CAMK2G: variants seen among roughly 807,000 people sequenced by gnomAD.
CAMK2G encodes calcium/calmodulin-dependent protein kinase type II subunit gamma.
In CAMK2G, 23 loss-of-function variants were observed where a neutral mutation model predicts 88.7. The observed-to-expected ratio is 0.26, with a 90% CI of 0.19 to 0.37. The LOEUF (loss-of-function observed/expected upper bound fraction) is 0.37. Ranked by LOEUF, CAMK2G falls within the 10% of genes least tolerant of loss-of-function variation. The probability of loss-of-function intolerance (pLI) is 1.00; values close to 1 mark genes in which losing one functional copy is unlikely to be tolerated. For missense variants in CAMK2G, 476 were observed against 780.8 expected, an observed-to-expected ratio of 0.61 and a Z score of 4.65; for synonymous variants, 263 against 294.8, an observed-to-expected ratio of 0.89 and a Z score of 1.11.
intron 14 of CAMK2G, chr10:73,836,950 G>A (rs1344177836): frequency 6.3e-6 from 1 of 159,822 alleles, no homozygotes; most frequent in Non-Finnish European, 1.4e-5. Flanking sequence ...TTTTTCTGAG[G>A]AGCCTATGCG....
chr10:73,851,754 G>GC (rs1476207276), intron 5 of CAMK2G, among the ~76,000 whole-genome samples: 9 of 148,470 alleles, frequency 6.1e-5, no homozygotes, highest in South Asian at 2.2e-4. Context: ...TTTTTGTGGG[G>GC]GGGGGGAGGG....
At chr10:73,825,061 C>G (rs1166841940) in intron 16 of CAMK2G, among the ~76,000 whole-genome samples, 1 of 152,178 alleles carries the variant, frequency 6.6e-6, no homozygotes, top group Non-Finnish European at 1.5e-5. Context: ...GCGAAAGGAG[C>G]AGGAGCAGGA....
Position 73,839,144 on chromosome 10 carries a change from C to T in CAMK2G, c.1009+395G>A, listed in dbSNP as rs773532217. ...CGCCAGACTTCACAATTTTGAGGAG[C>T]GCGGCTCCTCTGTGGGGTCTTAAAC... On this transcript the variant is annotated intron_variant, in intron 13 of 22. Transcript: ENST00000423381. The surrounding 1 kb of genome is among the most constrained non-coding windows in gnomAD (Gnocchi z 4.2). Among the ~76,000 whole-genome samples, 3 of 152,162 alleles carry T rather than the reference C, an allele frequency of 2.0e-5. No individual in the cohort carries two copies. The highest frequency in any genetic ancestry group is 2.9e-5 in the Non-Finnish European group (2 of 68,024).
In CAMK2G at chr10:73,874,387, C is replaced by A; in HGVS notation, c.65+10G>T. On this transcript the variant is annotated intron_variant, in intron 1 of 22. Transcript: ENST00000423381. ...AGGGCAGGCAGGGGACCGCGGCGGG[C>A]GGGCCGTACTTGCCAAGCTCCTCGA... The A allele has an allele frequency of 1.4e-6, 2 of 1,478,274 alleles. No homozygotes were observed. Among genetic ancestry groups the A allele is most frequent in the East Asian group, 2.8e-5 (1 of 36,244 alleles). The allele number at this position is 1,478,274 out of a possible 1,614,324, so 91.6% of individuals were successfully genotyped here. A position where few individuals can be genotyped will look rare whatever the true frequency, so the allele number is the denominator to read the frequency against.
intron 21 of CAMK2G, chr10:73,816,139 G>A (rs2085392866): frequency 3.0e-5 from 29 of 982,712 alleles, no homozygotes; most frequent in Non-Finnish European, 3.4e-5. Context: ...GAAGGGGAGG[G>A]TCTCATAGAG....
chr10:73,823,953 C>G, intron 17 of CAMK2G, 87 bp downstream of exon 17: 1 of 1,021,730 alleles, frequency 9.8e-7, no homozygotes. Flanking sequence ...ACCTTGGCCT[C>G]AGGGTGCAGC....
rs1486753281 is a variant in CAMK2G, at chr10:73,874,476, G to A, written c.-15C>T. On this transcript the variant is annotated 5_prime_UTR_variant, in exon 1 of 23. Transcript: ENST00000423381. ...GTGGTGGCCATGCTGGCGGGCGGGCGGACGCGGCGGTGCAGCCCGCGCCGA... is the reference window on the plus strand; with the variant it reads ...GTGGTGGCCATGCTGGCGGGCGGGCAGACGCGGCGGTGCAGCCCGCGCCGA... 1 of 1,485,680 alleles carries A rather than the reference G, an allele frequency of 6.7e-7. No homozygotes were observed. Among genetic ancestry groups the A allele is most frequent in the Non-Finnish European group, 9.0e-7 (1 of 1,107,026 alleles). 92.0% of individuals were successfully genotyped at this position (1,485,680 alleles called of 1,614,324 possible).
rs746340548 is a variant in CAMK2G, at chr10:73,813,215, G to GTT, written c.*1302_*1303insAA. On this transcript the variant is annotated 3_prime_UTR_variant, in exon 23 of 23. Coordinates refer to ENST00000423381, the MANE Select transcript of CAMK2G (RefSeq NM_001367534.1). Reference sequence around the variant, plus strand: ...CTTGAGCACAGAGAGGGACAATGAAGGTAGAAGCCTTGGCTCTGGACACCT... The same window carrying GTT: ...CTTGAGCACAGAGAGGGACAATGAAGTTGTAGAAGCCTTGGCTCTGGACACCT... 1.3e-5 allele frequency: 2 copies of GTT among 152,732 alleles called. No homozygotes were observed. The highest frequency in any genetic ancestry group is 2.9e-5 in the Non-Finnish European group (2 of 68,076). 9.5% of individuals were successfully genotyped at this position (152,732 alleles called of 1,614,324 possible).
In CAMK2G at chr10:73,844,095, A is replaced by T. The variant is rs7094563; in HGVS notation, c.820-1554T>A. Among the ~76,000 whole-genome samples the T allele has an allele frequency of 3.9e-3, 573 of 145,718 alleles. 6 individuals are homozygous for T. Among genetic ancestry groups the T allele is most frequent in the African/African-American group, 0.013 (511 of 39,744 alleles). On this transcript the variant is annotated intron_variant, in intron 10 of 22. Coordinates refer to ENST00000423381, the MANE Select transcript of CAMK2G (RefSeq NM_001367534.1). ...GTTAAGCCTCTCCTTAAACAAAAAAATTTTTTTTTTTTTTTGAAACAGCAT... is the reference window on the plus strand; with the variant it reads ...GTTAAGCCTCTCCTTAAACAAAAAATTTTTTTTTTTTTTTTGAAACAGCAT...
At chr10:73,829,131 T>C (rs2091860534) in intron 14 of CAMK2G, among the ~76,000 whole-genome samples, 1 of 152,196 alleles carries the variant, frequency 6.6e-6, no homozygotes, top group Admixed American at 6.5e-5. Flanking sequence ...GCCAGCATTC[T>C]TTAGAAGGCA....
chr10:73,826,143 A>G (rs910357277), intron 15 of CAMK2G, among the ~76,000 whole-genome samples: 5 of 152,070 alleles, frequency 3.3e-5, no homozygotes, highest in Non-Finnish European at 5.9e-5. Context: ...TCAAAACTAC[A>G]TGGTGGTGGG....
chr10:73,874,048 G>C (rs1453445652), intron 1 of CAMK2G, among the ~76,000 whole-genome samples: 3 of 146,432 alleles, frequency 2.0e-5, no homozygotes, highest in Non-Finnish European at 4.5e-5. Context: ...TGGGACCTGG[G>C]TTCAGGGTGC....
In CAMK2G at chr10:73,839,203, G is replaced by A. The variant is rs933270106; in HGVS notation, c.1009+336C>T. 6.6e-6 allele frequency among the ~76,000 whole-genome samples: 1 copy of A among 152,220 alleles called. No individual in the cohort carries two copies. The highest frequency in any genetic ancestry group is 2.4e-5 in the African/African-American group (1 of 41,468). The stretch of plus-strand genomic sequence containing the variant: ...GGAAATCTAGTCCTAGCACCGGGCA[G>A]CTCAGGGCAATGCCCAGCACTGTCT... On this transcript the variant is annotated intron_variant, in intron 13 of 22. Coordinates refer to ENST00000423381, the MANE Select transcript of CAMK2G (RefSeq NM_001367534.1). The surrounding 1 kb of genome is among the most constrained non-coding windows in gnomAD (Gnocchi z 4.2).
Position 73,849,001 on chromosome 10 carries a change from G to T in CAMK2G, c.517+12C>A, listed in dbSNP as rs751908403. 10 of 1,542,754 alleles carry T rather than the reference G, an allele frequency of 6.5e-6. No homozygotes were observed. Among genetic ancestry groups the T allele is most frequent in the Non-Finnish European group, 9.0e-6 (10 of 1,114,968 alleles). ...CGGGGGCTGCATTCCGGGAAGACAG[G>T]ATCACCCTTACCAAACCAAGCCTGC... On this transcript the variant is annotated intron_variant, in intron 7 of 22. Transcript: ENST00000423381.
At chr10:73,825,718 C>T (rs1253864409) in intron 15 of CAMK2G, among the ~76,000 whole-genome samples, 1 of 152,210 alleles carries the variant, frequency 6.6e-6, no homozygotes, top group Non-Finnish European at 1.5e-5. Flanking sequence ...GAAAGCAGAA[C>T]AAAATTCAGA....
rs1187158610 is a variant in CAMK2G at position 73,820,255 on chromosome 10, C to G, written c.1250-610G>C. On this transcript the variant is annotated intron_variant, in intron 18 of 22. Coordinates refer to ENST00000423381, the MANE Select transcript of CAMK2G (RefSeq NM_001367534.1). ...AATCAAAGAGCAGGACAGAGATTCC[C>G]GGGGGTCCAGCCTGCCATGCCCTCC... 3.3e-5 allele frequency among the ~76,000 whole-genome samples: 5 copies of G among 151,742 alleles called. No homozygotes were observed. The East Asian group carries it at 9.7e-4, about 30-fold the overall frequency.
Position 73,829,700 on chromosome 10 carries a change from G to GGTGTGTGTGTGTGTGTGT in CAMK2G, c.1054-1597_1054-1580dup, listed in dbSNP as rs60725888. Among the ~76,000 whole-genome samples, 235 of 138,416 alleles carry GGTGTGTGTGTGTGTGTGT rather than the reference G, an allele frequency of 1.7e-3. 3 individuals carry two copies. The highest frequency in any genetic ancestry group is 6.1e-3 in the African/African-American group (224 of 36,958). The allele number at this position is 138,416 out of a possible 152,430, so 90.8% of individuals were successfully genotyped here. A position where few individuals can be genotyped will look rare whatever the true frequency, so the allele number is the denominator to read the frequency against. ...TTATATTCATATATATAAGTAGTGGGGTGTGTGTGTGTGTGTGTGTGTGTG... is the reference window on the plus strand; with the variant it reads ...TTATATTCATATATATAAGTAGTGGGGTGTGTGTGTGTGTGTGTGTGTGTGTGTGTGTGTGTGTGTGTG... On this transcript the variant is annotated intron_variant, in intron 14 of 22. Coordinates refer to ENST00000423381, the MANE Select transcript of CAMK2G (RefSeq NM_001367534.1).
intron 12 of CAMK2G, among the ~76,000 whole-genome samples, chr10:73,841,415 G>A (rs865836086): frequency 6.6e-6 from 1 of 151,340 alleles, no homozygotes; most frequent in Admixed American, 6.6e-5. Context: ...CTTCAGTCTC[G>A]ACATTAATCT....
At chr10:73,849,672 C>T (rs747166733) in intron 5 of CAMK2G, among the ~76,000 whole-genome samples, 3 of 152,224 alleles carry the variant, frequency 2.0e-5, no homozygotes, top group Admixed American at 2.0e-4. Context: ...AGCATCCAAT[C>T]CCTTCCTTCT....
Sources: allele counts gnomAD v4.1 joint callset (sites outside exome capture counted in the v4.1 genomes callset), GRCh38; gene constraint gnomAD v4.1.1; non-coding constraint Gnocchi (gnomAD v3.1); transcripts MANE v1.5; gene names NCBI Gene and HGNC (gene_info 2026-07-23, HGNC 2026-07-21).